TAX1BP1: variants seen among roughly 807,000 people sequenced by gnomAD.
TAX1BP1 encodes Tax1 binding protein 1.
In TAX1BP1, 62 loss-of-function variants were observed where a neutral mutation model predicts 97.7. That is an observed-to-expected ratio of 0.63 (90% CI 0.52 to 0.78). TAX1BP1 has a LOEUF of 0.78. Among genes scored for constraint, TAX1BP1 ranks in the 30% least tolerant of loss-of-function variants. The pLI, the probability that TAX1BP1 is intolerant of heterozygous loss-of-function variation, is 0.00. For synonymous variants in TAX1BP1, 340 were observed against 304.2 expected (o/e 1.12, Z -1.23); for missense variants, 867 against 916.1 (o/e 0.95, Z 0.69).
At chr7:27,754,009 C>G (rs1191885409) in intron 2 of TAX1BP1, among the ~76,000 whole-genome samples, 3 of 152,070 alleles carry the variant, frequency 2.0e-5, no homozygotes, top group African/African-American at 7.2e-5. Context: ...CTCACATCTC[C>G]GAGATACTTT....
intron 13 of TAX1BP1, among the ~76,000 whole-genome samples, chr7:27,808,766 A>T (rs1197859539): frequency 2.6e-5 from 4 of 152,226 alleles, no homozygotes; most frequent in Non-Finnish European, 5.9e-5. Context: ...TGGAACAGTA[A>T]GAGATGACTA....
At chr7:27,767,500 CTCTTA>C (rs912053408) in intron 4 of TAX1BP1, among the ~76,000 whole-genome samples, 4 of 152,066 alleles carry the variant, frequency 2.6e-5, no homozygotes, top group South Asian at 4.1e-4. Flanking sequence ...AGAAATTCCT[CTCTTA>C]TCTTAAAGAA....
intron 2 of TAX1BP1, among the ~76,000 whole-genome samples, chr7:27,749,965 A>AT (rs1330723228): frequency 2.0e-5 from 3 of 151,930 alleles, no homozygotes; most frequent in Non-Finnish European, 4.4e-5. Context: ...AATTTTTAAA[A>AT]TTTTTTGTAG....
At position 27,765,945 on chromosome 7, in the gene TAX1BP1, T is replaced by G; in HGVS notation, c.377T>G (p.Val126Gly). The G allele has an allele frequency of 6.2e-7, 1 of 1,614,218 alleles. No homozygotes were observed. Among genetic ancestry groups the G allele is most frequent in the Non-Finnish European group, 8.5e-7 (1 of 1,180,028 alleles). The change falls in exon 4 of 17, where the codon GTT (valine) becomes GGT (glycine). Residue 126 changes from valine to glycine, a missense_variant. Physicochemically the swap from Val to Gly is moderately radical, Grantham distance 109. Coordinates refer to ENST00000396319, the MANE Select transcript of TAX1BP1 (RefSeq NM_006024.7). ...TPFQFRASSP[V>G]EELLTMEDEG... is the part of the protein sequence containing the mutation. ...TTCCAGTTTCGAGCTTCTTCTCCAG[T>G]TGAAGAGCTGCTTACTATGGAAGAT...
At chr7:27,811,802 C>T (rs1242658891) in intron 13 of TAX1BP1, among the ~76,000 whole-genome samples, 1 of 152,126 alleles carries the variant, frequency 6.6e-6, no homozygotes, top group Non-Finnish European at 1.5e-5. Context: ...CTCTGGTCTG[C>T]TTTCTGTCCC....
At chr7:27,741,564 G>C (rs1369114889) in intron 1 of TAX1BP1, among the ~76,000 whole-genome samples, 1 of 150,656 alleles carries the variant, frequency 6.6e-6, no homozygotes, top group African/African-American at 2.4e-5. Flanking sequence ...GCAGTGGCGC[G>C]ATCGCGGCTC....
At chr7:27,742,984 A>G (rs1442721076) in intron 1 of TAX1BP1, among the ~76,000 whole-genome samples, 1 of 152,182 alleles carries the variant, frequency 6.6e-6, no homozygotes, top group African/African-American at 2.4e-5. Flanking sequence ...TGGATATGTT[A>G]AATCTGGGCT....
chr7:27,816,790 T>C, intron 14 of TAX1BP1, 100 bp from the exon 15 acceptor site: 1 of 1,430,352 alleles, frequency 7.0e-7, no homozygotes, highest in Non-Finnish European at 9.5e-7. Context: ...TTTTTTCACA[T>C]GCCAAAGTGG....
intron 5 of TAX1BP1, among the ~76,000 whole-genome samples, chr7:27,783,047 G>A (rs1385979579): frequency 6.6e-6 from 1 of 152,122 alleles, no homozygotes; most frequent in African/African-American, 2.4e-5. Flanking sequence ...TGGAAACAGT[G>A]ATTTTTTTAG....
At chr7:27,794,189 A>G in intron 10 of TAX1BP1, 134 bp from the exon 11 acceptor site, 1 of 748,976 alleles carries the variant, frequency 1.3e-6, no homozygotes, top group Non-Finnish European at 2.0e-6. Context: ...TTGGCTTTTA[A>G]AACAAGAGCA....
rs571754297 is a variant in TAX1BP1, at chr7:27,814,083, A to G, written c.1765-2266A>G. ...AGTGCTGGGATTACAGGTGTGAGCC[A>G]CCGCACTTGGCCTTTTTTTTTTTTT... On this transcript the variant is annotated intron_variant, in intron 13 of 16. Coordinates refer to ENST00000396319, the MANE Select transcript of TAX1BP1 (RefSeq NM_006024.7). Among the ~76,000 whole-genome samples, 869 of 148,830 alleles carry G rather than the reference A, an allele frequency of 5.8e-3. 5 individuals are homozygous for G. The highest frequency in any genetic ancestry group is 0.017 in the African/African-American group (686 of 40,414).
chr7:27,784,471 G>T (rs1344466130), intron 5 of TAX1BP1, among the ~76,000 whole-genome samples: 1 of 152,062 alleles, frequency 6.6e-6, no homozygotes, highest in East Asian at 1.9e-4. Flanking sequence ...GAGTCACACT[G>T]GCAAGAAGAT....
intron 14 of TAX1BP1, 103 bp from the exon 15 acceptor site, chr7:27,816,787 A>G: frequency 2.1e-6 from 3 of 1,401,478 alleles, no homozygotes; most frequent in East Asian, 2.3e-5. Context: ...TATTTTTTTC[A>G]CATGCCAAAG....
intron 15 of TAX1BP1, among the ~76,000 whole-genome samples, chr7:27,824,881 G>C (rs17692264): frequency 6.6e-6 from 1 of 150,978 alleles, no homozygotes; most frequent in Non-Finnish European, 1.5e-5. Context: ...ATTTCAGTAC[G>C]GTATTCTCAA....
intron 3 of TAX1BP1, among the ~76,000 whole-genome samples, chr7:27,761,745 G>A (rs180824709): frequency 2.4e-4 from 36 of 152,314 alleles, no homozygotes; most frequent in Admixed American, 2.4e-3. Flanking sequence ...GATCTTGGTT[G>A]CTTCCACGTT....
At chr7:27,777,854 C>G (rs1299251955) in intron 5 of TAX1BP1, among the ~76,000 whole-genome samples, 2 of 152,270 alleles carry the variant, frequency 1.3e-5, no homozygotes, top group East Asian at 1.9e-4. Flanking sequence ...GATCACTGAC[C>G]TTTTATCCTG....
At chr7:27,761,357 C>T (rs1366276455) in intron 3 of TAX1BP1, among the ~76,000 whole-genome samples, 1 of 152,102 alleles carries the variant, frequency 6.6e-6, no homozygotes, top group African/African-American at 2.4e-5. Context: ...TCATAGTTTA[C>T]ATCAGGGTTC....
At chr7:27,812,867 G>C (rs1306089618) in intron 13 of TAX1BP1, among the ~76,000 whole-genome samples, 12 of 152,180 alleles carry the variant, frequency 7.9e-5, no homozygotes, top group Non-Finnish European at 8.8e-5. Context: ...AGGCCTATAT[G>C]CTAAATCTGG....
rs149292782 is a variant in TAX1BP1, at chr7:27,823,943, A to T, written c.2086-3795A>T. On this transcript the variant is annotated intron_variant, in intron 15 of 16. Transcript: ENST00000396319. The stretch of plus-strand genomic sequence containing the variant: ...TGTTGTAAACATGTATCAGAATTTC[A>T]TTCCTTTTGAATAAGGGTAAATAAT... 7.6e-4 allele frequency among the ~76,000 whole-genome samples: 115 copies of T among 152,306 alleles called. 1 individual carries two copies. In the East Asian group the frequency reaches 0.022, roughly 29 times the overall value.
Sources: gnomAD v4.1 joint callset for allele counts (sites outside exome capture counted in the v4.1 genomes callset) on GRCh38, gnomAD v4.1.1 for gene constraint, MANE v1.5 for transcripts, NCBI Gene and HGNC (gene_info 2026-07-23, HGNC 2026-07-21) for gene names.